VPS36: variants seen among roughly 807,000 people sequenced by gnomAD.
VPS36 encodes the protein vacuolar protein-sorting-associated protein 36.
VPS36 carries 31 observed loss-of-function variants against 63.5 expected under a neutral mutation model. The observed-to-expected ratio is 0.49, with a 90% confidence interval of 0.37 to 0.66. The LOEUF (loss-of-function observed/expected upper bound fraction) is 0.66, where lower values mean the gene tolerates loss of function less well. Ranked by LOEUF, VPS36 falls within the 30% of genes least tolerant of loss-of-function variation. The probability of loss-of-function intolerance (pLI) is 0.00; values close to 1 mark genes in which losing one functional copy is unlikely to be tolerated. For synonymous variants in VPS36, 138 were observed against 157.2 expected (o/e 0.88, Z 0.91); for missense variants, 338 against 463.7 (o/e 0.73, Z 2.49).
At chr13:52,446,453 AT>A (rs1441749078) in intron 1 of VPS36, among the ~76,000 whole-genome samples, 1 of 152,176 alleles carries the variant, frequency 6.6e-6, no homozygotes, top group Non-Finnish European at 1.5e-5. Flanking sequence ...AAGTGAAGAA[AT>A]TGTGTAACAG....
chr13:52,446,555 T>C lies in VPS36; in HGVS notation c.96+3944A>G, dbSNP rs571927330. 2.6e-5 allele frequency among the ~76,000 whole-genome samples: 4 copies of C among 152,276 alleles called. No individual in the cohort carries two copies. In the South Asian group the frequency reaches 6.2e-4, roughly 24 times the overall value. ...ACACCACTCAGAACCTAGAATAATT[T>C]TAACTGCTTAAAAATTGATCTAACT... On this transcript the variant is annotated intron_variant, in intron 1 of 13. Transcript: ENST00000378060.
At chr13:52,434,982 T>C (rs1958199752) in intron 4 of VPS36, 100 bp from the exon 5 acceptor site, 2 of 1,260,762 alleles carry the variant, frequency 1.6e-6, no homozygotes, top group Non-Finnish European at 2.2e-6. Flanking sequence ...TTTTTTTTTT[T>C]TTTTTTGAGG....
At chr13:52,424,854 G>T (rs563029513) in intron 9 of VPS36, among the ~76,000 whole-genome samples, 20 of 152,204 alleles carry the variant, frequency 1.3e-4, no homozygotes, top group African/African-American at 3.9e-4. Context: ...TGGGCGTGGT[G>T]GTGGGCGCCT....
At position 52,427,171 on chromosome 13, in the gene VPS36, CATAA is replaced by C; in HGVS notation, c.561+12_561+15del. ...TCATAATTGGTATGAATTTAATAGGCATAAATGACATATACCTTGATCATTAGTT... is the reference window on the plus strand; with the variant it reads ...TCATAATTGGTATGAATTTAATAGGCATGACATATACCTTGATCATTAGTT... On this transcript the variant is annotated intron_variant, in intron 7 of 13. Coordinates refer to ENST00000378060, the MANE Select transcript of VPS36 (RefSeq NM_016075.4). The C allele has an allele frequency of 1.9e-6, 3 of 1,611,150 alleles. No individual in the cohort carries two copies. The highest frequency in any genetic ancestry group is 2.5e-6 in the Non-Finnish European group (3 of 1,178,174).
chr13:52,427,719 C>T (rs779933601), intron 6 of VPS36, among the ~76,000 whole-genome samples: 16 of 152,072 alleles, frequency 1.1e-4, no homozygotes, highest in Non-Finnish European at 1.9e-4. Flanking sequence ...AAAAACCATA[C>T]ATTTTCCAAA....
intron 6 of VPS36, among the ~76,000 whole-genome samples, chr13:52,432,575 A>G (rs1006588388): frequency 1.3e-5 from 2 of 152,198 alleles, no homozygotes; most frequent in African/African-American, 4.8e-5. Context: ...ATTTACCACC[A>G]CCAATGAACT....
Position 52,423,635 on chromosome 13 carries a change from C to T in VPS36, c.779G>A (p.Arg260Gln), listed in dbSNP as rs1490889314. Residue 260 changes from arginine (R) to glutamine (Q), a missense_variant, in exon 10 of 14, where the codon CGA becomes CAA. Arg to Gln is a conservative substitution (Grantham distance 43, BLOSUM62 1). Transcript: ENST00000378060. The stretch of plus-strand genomic sequence containing the variant: ...CTCCGTGAGTGACATTATTCCCCCT[C>T]GTTCCTGTTCAAATATGAAATTTTT... ...AGILQVPLEE[R>Q]GGIMSLTEVY... 15 of 1,609,418 alleles carry T rather than the reference C, an allele frequency of 9.3e-6. No homozygotes were observed. The highest frequency in any genetic ancestry group is 3.3e-5 in the South Asian group (3 of 90,462).
rs184584509 is a variant in VPS36 at position 52,442,810 on chromosome 13, T to C, written c.97-365A>G. Reference sequence around the variant, plus strand: ...GCAATTTATAATATTACATATGCAGTATATGTGTGTGTCTGCAGACACACA... The same window carrying C: ...GCAATTTATAATATTACATATGCAGCATATGTGTGTGTCTGCAGACACACA... On this transcript the variant is annotated intron_variant, in intron 1 of 13. Coordinates refer to ENST00000378060, the MANE Select transcript of VPS36 (RefSeq NM_016075.4). Among the ~76,000 whole-genome samples the C allele has an allele frequency of 2.2e-3, 333 of 152,248 alleles. 1 individual carries two copies. Among genetic ancestry groups the C allele is most frequent in the Non-Finnish European group, 3.1e-3 (210 of 68,010 alleles).
chr13:52,443,588 C>T (rs763418567), intron 1 of VPS36, among the ~76,000 whole-genome samples: 1 of 152,174 alleles, frequency 6.6e-6, no homozygotes, highest in Admixed American at 6.5e-5. Flanking sequence ...TCCCAGTCTC[C>T]AGAACTATGA....
intron 6 of VPS36, chr13:52,429,228 T>C: frequency 1.0e-6 from 1 of 984,396 alleles, no homozygotes; most frequent in Non-Finnish European, 1.2e-6. Flanking sequence ...GCATGATTTC[T>C]TACTTACTTT....
In VPS36 at chr13:52,416,007, C is replaced by T. The variant is rs760915151; in HGVS notation, c.1067+10G>A. The T allele has an allele frequency of 1.4e-5, 22 of 1,613,274 alleles. No homozygotes were observed. The highest frequency in any genetic ancestry group is 1.9e-5 in the Non-Finnish European group (22 of 1,179,472). ...CATACATTGTAATGAAAGGTAAGAA[C>T]CTTACTTACCTTTCTTTGGCTAGGA... On this transcript the variant is annotated intron_variant, in intron 13 of 13. Transcript: ENST00000378060.
intron 11 of VPS36, 94 bp downstream of exon 11, chr13:52,417,898 G>T: frequency 1.0e-6 from 1 of 987,182 alleles, no homozygotes; most frequent in Non-Finnish European, 1.5e-6. Flanking sequence ...AATCTGGCTT[G>T]ACACTAGGGA....
chr13:52,444,515 AAT>A (rs926849728), intron 1 of VPS36, among the ~76,000 whole-genome samples: 10 of 147,510 alleles, frequency 6.8e-5, no homozygotes, highest in African/African-American at 2.2e-4. Flanking sequence ...TATGTATAAA[AAT>A]ATATATATTT....
chr13:52,438,099 A>G (rs900465867), intron 3 of VPS36, among the ~76,000 whole-genome samples: 6 of 152,312 alleles, frequency 3.9e-5, no homozygotes, highest in Admixed American at 2.0e-4. Flanking sequence ...CTCACTGGAC[A>G]TGTTTAAAAA....
At chr13:52,430,839 AG>A (rs1194681149) in intron 6 of VPS36, among the ~76,000 whole-genome samples, 1 of 152,010 alleles carries the variant, frequency 6.6e-6, no homozygotes, top group Non-Finnish European at 1.5e-5. Context: ...GTGTCTTTTA[AG>A]GGGAAAAAAT....
intron 6 of VPS36, among the ~76,000 whole-genome samples, chr13:52,429,878 A>C (rs1475258812): frequency 6.6e-6 from 1 of 152,188 alleles, no homozygotes; most frequent in Non-Finnish European, 1.5e-5. Flanking sequence ...CACAGACCTG[A>C]GAATGCAAGA....
chr13:52,433,850 A>T (rs953934536), intron 5 of VPS36, 102 bp from the exon 6 acceptor site: 11 of 980,636 alleles, frequency 1.1e-5, no homozygotes, highest in Admixed American at 2.5e-5. Flanking sequence ...GAAAGGACCT[A>T]CAAAGAACCA....
intron 6 of VPS36, among the ~76,000 whole-genome samples, chr13:52,428,955 A>G (rs1958130047): frequency 6.6e-6 from 1 of 152,188 alleles, no homozygotes. Context: ...AAGTGATTAT[A>G]AAACACAGAG....
chr13:52,433,719 T>C lies in VPS36; in HGVS notation c.471A>G (p.Val157=). The C allele has an allele frequency of 6.2e-7, 1 of 1,612,246 alleles. No individual in the cohort carries two copies. Among genetic ancestry groups the C allele is most frequent in the Non-Finnish European group, 8.5e-7 (1 of 1,179,388 alleles). ...TTTCTTCCAGTTTCCTTTCAATACC[T>C]ACAATTCCTACAGCCCTTATTCTTC... ...QPGRIRAVGI[V]GIERKLEEKR... The change falls in exon 6 of 14, where the codon GTA becomes GTG. Residue 157 remains valine (V), a synonymous_variant. Transcript: ENST00000378060.
Sources: allele counts gnomAD v4.1 joint callset (sites outside exome capture counted in the v4.1 genomes callset), GRCh38; gene constraint gnomAD v4.1.1; transcripts MANE v1.5; gene names NCBI Gene and HGNC (gene_info 2026-07-23, HGNC 2026-07-21).